Variants in HMX3 observed in about 807,000 individuals in gnomAD.
HMX3 encodes H6 family homeobox 3.
Under a neutral mutation model 22.8 loss-of-function variants are expected in HMX3, and 8 were observed. That is an observed-to-expected ratio of 0.35 (90% confidence interval 0.21 to 0.63). The LOEUF is 0.63. Among genes scored for constraint, HMX3 ranks in the 30% least tolerant of loss-of-function variants. The pLI is 0.72. For synonymous variants in HMX3, 331 were observed against 250.9 expected, an observed-to-expected ratio of 1.32 and a Z score of -3.02; for missense variants, 527 against 520.6, an observed-to-expected ratio of 1.01 and a Z score of -0.12.
At position 123,136,999 on chromosome 10, in the gene HMX3, G is replaced by C. The variant is rs541347561; in HGVS notation, c.401-59G>C. On this transcript the variant is annotated intron_variant, in intron 1 of 1. Coordinates refer to ENST00000357878, the MANE Select transcript of HMX3 (RefSeq NM_001105574.2). This position sits in a 1 kb window ranked among gnomAD's most constrained non-coding sequence, Gnocchi z 4.8. Reference sequence around the variant, plus strand: ...TGAGCCTGCCGTCCCCAGGCGCCGGGCCTCGCTCAAGGCTGTGTCGGTGTG... The same window carrying C: ...TGAGCCTGCCGTCCCCAGGCGCCGGCCCTCGCTCAAGGCTGTGTCGGTGTG... 1.0e-5 allele frequency: 15 copies of C among 1,490,744 alleles called. No individual in the cohort carries two copies. The Admixed American group carries it at 2.9e-4, about 29-fold the overall frequency. The allele number at this position is 1,490,744 out of a possible 1,614,324, so 92.3% of individuals were successfully genotyped here.
Position 123,136,458 on chromosome 10 carries a change from C to A in HMX3, c.400+8C>A. On this transcript the variant is annotated splice_region_variant and intron_variant, in intron 1 of 1. Transcript: ENST00000357878. This position sits in a 1 kb window ranked among gnomAD's most constrained non-coding sequence, Gnocchi z 4.8. ...ACCTCCCGCGACCTGAAGGTACCGA[C>A]CTCTCTTTGAACTTTCGTTGTCCCC... 3 of 1,409,788 alleles carry A rather than the reference C, an allele frequency of 2.1e-6. No individual in the cohort carries two copies. The highest frequency in any genetic ancestry group is 1.9e-6 in the Non-Finnish European group (2 of 1,074,092). The allele number at this position is 1,409,788 out of a possible 1,614,324, so 87.3% of individuals were successfully genotyped here. A position where few individuals can be genotyped will look rare whatever the true frequency, so the allele number is the denominator to read the frequency against.
rs902775272 is a variant in HMX3, at chr10:123,139,205, T to C, written c.*1474T>C. On this transcript the variant is annotated 3_prime_UTR_variant, in exon 2 of 2. Transcript: ENST00000357878. ...TAAATGTACAGATTTCTTGTAAAGTTCACCCTCTACTCCGCAGGGCTCCTG... is the reference window on the plus strand; with the variant it reads ...TAAATGTACAGATTTCTTGTAAAGTCCACCCTCTACTCCGCAGGGCTCCTG... Among the ~76,000 whole-genome samples, 4 of 152,208 alleles carry C rather than the reference T, an allele frequency of 2.6e-5. No homozygotes were observed. The highest frequency in any genetic ancestry group is 9.7e-5 in the African/African-American group (4 of 41,442).
rs910731008 is a variant in HMX3, at chr10:123,137,761, C to T, written c.*30C>T. On this transcript the variant is annotated 3_prime_UTR_variant, in exon 2 of 2. Coordinates refer to ENST00000357878, the MANE Select transcript of HMX3 (RefSeq NM_001105574.2). This position sits in a 1 kb window ranked among gnomAD's most constrained non-coding sequence, Gnocchi z 5.8. ...CCAGAGGGGTGGGGGAGGGAGCGCC[C>T]GGCCTCCTTGTCCGGACCCCGGAGG... is the stretch of plus-strand genomic sequence containing the variant. 10 of 1,396,146 alleles carry T rather than the reference C, an allele frequency of 7.2e-6. No individual in the cohort carries two copies. In the African/African-American group the frequency reaches 1.2e-4, roughly 17 times the overall value. The allele number at this position is 1,396,146 out of a possible 1,614,324, so 86.5% of individuals were successfully genotyped here. A position where few individuals can be genotyped will look rare whatever the true frequency, so the allele number is the denominator to read the frequency against.
chr10:123,136,035 C>T lies in HMX3; in HGVS notation c.-16C>T. The stretch of plus-strand genomic sequence containing the variant: ...TCCCGCTCCCTCCCTCCCGGGGACC[C>T]GGAGGAGAGGGGACCATGCCGGAAC... On this transcript the variant is annotated 5_prime_UTR_variant, in exon 1 of 2. Transcript: ENST00000357878. The surrounding 1 kb of genome is among the most constrained non-coding windows in gnomAD (Gnocchi z 4.8). The T allele has an allele frequency of 1.5e-6, 2 of 1,345,064 alleles. No homozygotes were observed. Among genetic ancestry groups the T allele is most frequent in the Non-Finnish European group, 1.9e-6 (2 of 1,046,690 alleles). 83.3% of individuals were successfully genotyped at this position (1,345,064 alleles called of 1,614,324 possible).
Position 123,136,368 on chromosome 10 carries a change from C to T in HMX3, c.318C>T (p.Pro106=), listed in dbSNP as rs780492966. 6.4e-7 allele frequency: 1 copy of T among 1,569,174 alleles called. No individual in the cohort carries two copies. The highest frequency in any genetic ancestry group is 8.6e-7 in the Non-Finnish European group (1 of 1,158,764). ...FEIPAQRFAL[P]AHYLERSPAW... is the part of the protein sequence containing the mutation. ...TCCCGGCGCAGAGGTTTGCCCTGCCCGCGCACTACCTGGAGCGCTCCCCAG... is the reference window on the plus strand; with the variant it reads ...TCCCGGCGCAGAGGTTTGCCCTGCCTGCGCACTACCTGGAGCGCTCCCCAG... Residue 106 remains proline, a synonymous_variant, in exon 1 of 2, where the codon CCC becomes CCT. Coordinates refer to ENST00000357878, the MANE Select transcript of HMX3 (RefSeq NM_001105574.2). The surrounding 1 kb of genome is among the most constrained non-coding windows in gnomAD (Gnocchi z 4.8).
Position 123,136,587 on chromosome 10 carries a change from C to T in HMX3, c.400+137C>T, listed in dbSNP as rs1002194533. ...CGGTCAGTTTTTTTCGGCCCCTAGC[C>T]TGCCCTCGCGCTGGGTTGCGCTGCC... On this transcript the variant is annotated intron_variant, in intron 1 of 1. Coordinates refer to ENST00000357878, the MANE Select transcript of HMX3 (RefSeq NM_001105574.2). The surrounding 1 kb of genome is among the most constrained non-coding windows in gnomAD (Gnocchi z 4.8). 2.7e-5 allele frequency: 17 copies of T among 628,270 alleles called. No homozygotes were observed. Among genetic ancestry groups the T allele is most frequent in the Non-Finnish European group, 4.0e-5 (17 of 422,386 alleles). The allele number at this position is 628,270 out of a possible 1,614,324, so 38.9% of individuals were successfully genotyped here. A position where few individuals can be genotyped will look rare whatever the true frequency, so the allele number is the denominator to read the frequency against.
In HMX3 at chr10:123,137,195, A is replaced by T. The variant is rs779044690; in HGVS notation, c.538A>T (p.Ser180Cys). 120 of 1,600,626 alleles carry T rather than the reference A, an allele frequency of 7.5e-5. No individual in the cohort carries two copies. The highest frequency in any genetic ancestry group is 9.4e-5 in the Non-Finnish European group (110 of 1,173,810). Reference sequence around the variant, plus strand: ...CCCGGACGAGATCATTCTGGAGGAGAGCGACTCCGAGGAAAGCAAAAAGGA... The same window carrying T: ...CCCGGACGAGATCATTCTGGAGGAGTGCGACTCCGAGGAAAGCAAAAAGGA... ...KSPDEIILEE[S>C]DSEESKKEGE... The change falls in exon 2 of 2, where the codon AGC becomes TGC. Residue 180 changes from serine (S) to cysteine (C), a missense_variant. Around this residue, in one of 3 missense-constraint regions of HMX3, gnomAD observed 386 missense variants for 337.8 expected, o/e 1.14. Transcript: ENST00000357878. This position sits in a 1 kb window ranked among gnomAD's most constrained non-coding sequence, Gnocchi z 5.8.
rs1844084478 is a variant in HMX3, at chr10:123,137,076, T to G, written c.419T>G (p.Leu140Arg). ...PRPEASEKAL[L>R]RDSSPASGTD... The stretch of plus-strand genomic sequence containing the variant: ...TCCCCAGCCTCGGAGAAGGCCTTGC[T>G]GAGAGACTCCTCCCCCGCCTCCGGC... The change falls in exon 2 of 2, where the codon CTG becomes CGG. Residue 140 changes from leucine to arginine, a missense_variant. This residue lies in a region of HMX3 where 386 missense variants were observed against 337.8 expected (regional missense o/e 1.14). Transcript: ENST00000357878. This position sits in a 1 kb window ranked among gnomAD's most constrained non-coding sequence, Gnocchi z 5.8. 1.2e-6 allele frequency: 2 copies of G among 1,610,048 alleles called. No individual in the cohort carries two copies. The highest frequency in any genetic ancestry group is 2.2e-5 in the South Asian group (2 of 90,600).
rs201289648 is a variant in HMX3, at chr10:123,136,117, C to T, written c.67C>T (p.Pro23Ser). 2.9e-6 allele frequency: 4 copies of T among 1,376,570 alleles called. No homozygotes were observed. The highest frequency in any genetic ancestry group is 1.8e-5 in the South Asian group (1 of 55,866). 85.3% of individuals were successfully genotyped at this position (1,376,570 alleles called of 1,614,324 possible). A position where few individuals can be genotyped will look rare whatever the true frequency, so the allele number is the denominator to read the frequency against. The change falls in exon 1 of 2, where the codon CCA (proline) becomes TCA (serine). Residue 23 changes from proline (P) to serine (S), a missense_variant. Coordinates refer to ENST00000357878, the MANE Select transcript of HMX3 (RefSeq NM_001105574.2). This position sits in a 1 kb window ranked among gnomAD's most constrained non-coding sequence, Gnocchi z 4.8. ...ACAGCCCCAACCGCCGCCGCCCCCC[C>T]CACCCGCTCCCAAGGAGTCCCCGTT... ...SAQPQPPPPP[P>S]PAPKESPFSI...
rs1844094938 is a variant in HMX3 at position 123,137,775 on chromosome 10, G to A, written c.*44G>A. On this transcript the variant is annotated 3_prime_UTR_variant, in exon 2 of 2. Transcript: ENST00000357878. This position sits in a 1 kb window ranked among gnomAD's most constrained non-coding sequence, Gnocchi z 5.8. ...GAGGGAGCGCCCGGCCTCCTTGTCC[G>A]GACCCCGGAGGAGACTGGGCCGGGC... is the stretch of plus-strand genomic sequence containing the variant. The A allele has an allele frequency of 4.4e-6, 6 of 1,357,942 alleles. No homozygotes were observed. The South Asian group carries it at 9.5e-5, about 22-fold the overall frequency. The allele number at this position is 1,357,942 out of a possible 1,614,324, so 84.1% of individuals were successfully genotyped here. A position where few individuals can be genotyped will look rare whatever the true frequency, so the allele number is the denominator to read the frequency against.
chr10:123,138,484 C>A lies in HMX3; in HGVS notation c.*753C>A, dbSNP rs1179699552. Among the ~76,000 whole-genome samples, 1 of 152,174 alleles carries A rather than the reference C, an allele frequency of 6.6e-6. No individual in the cohort carries two copies. Among genetic ancestry groups the A allele is most frequent in the Non-Finnish European group, 1.5e-5 (1 of 68,038 alleles). ...TTTTCTATAGAACTGTTTTCAGAAT[C>A]CAGAGAGGGAGAGAATTCATATGAT... On this transcript the variant is annotated 3_prime_UTR_variant, in exon 2 of 2. Coordinates refer to ENST00000357878, the MANE Select transcript of HMX3 (RefSeq NM_001105574.2).
rs1330988935 is a variant in HMX3, at chr10:123,136,409, A to G, written c.359A>G (p.Tyr120Cys). ...CGCTCCCCAGCCTGGTGGTACCCCT[A>G]CACCCTGACCCCCGCCGGCGGCCAC... is the stretch of plus-strand genomic sequence containing the variant. ...LERSPAWWYP[Y>C]TLTPAGGHLP... Residue 120 changes from tyrosine to cysteine, a missense_variant, in exon 1 of 2, where the codon TAC (tyrosine) becomes TGC (cysteine). By Grantham distance (194) the Tyr-to-Cys change is radical (BLOSUM62 -2). This residue lies in a region of HMX3 where 386 missense variants were observed against 337.8 expected (regional missense o/e 1.14). Coordinates refer to ENST00000357878, the MANE Select transcript of HMX3 (RefSeq NM_001105574.2). This position sits in a 1 kb window ranked among gnomAD's most constrained non-coding sequence, Gnocchi z 4.8. 6.5e-7 allele frequency: 1 copy of G among 1,542,548 alleles called. No homozygotes were observed. The highest frequency in any genetic ancestry group is 8.7e-7 in the Non-Finnish European group (1 of 1,145,876).
In HMX3 at chr10:123,136,177, C is replaced by G. The variant is rs770262921; in HGVS notation, c.127C>G (p.Arg43Gly). The G allele has an allele frequency of 1.7e-4, 239 of 1,443,852 alleles. No homozygotes were observed. In the African/African-American group the frequency reaches 2.7e-3, roughly 16 times the overall value. The allele number at this position is 1,443,852 out of a possible 1,614,324, so 89.4% of individuals were successfully genotyped here. Residue 43 changes from arginine (R) to glycine (G), a missense_variant, in exon 1 of 2, where the codon CGG (arginine) becomes GGG (glycine). Transcript: ENST00000357878. This position sits in a 1 kb window ranked among gnomAD's most constrained non-coding sequence, Gnocchi z 4.8. ...GAACCTGCTCAACGGAGACCACCAC[C>G]GGCCGCCCCCTAAGCCTCAGCCGCC... is the stretch of plus-strand genomic sequence containing the variant. The part of the protein sequence containing the change: ...IKNLLNGDHH[R>G]PPPKPQPPPR...
In HMX3 at chr10:123,136,490, GCCCGCCCCGTC is replaced by G. The variant is rs1233750351; in HGVS notation, c.400+50_400+60del. 2.3e-6 allele frequency: 3 copies of G among 1,314,932 alleles called. No homozygotes were observed. The highest frequency in any genetic ancestry group is 2.9e-6 in the Non-Finnish European group (3 of 1,020,044). The allele number at this position is 1,314,932 out of a possible 1,614,324, so 81.5% of individuals were successfully genotyped here. ...TTGAACTTTCGTTGTCCCCCTGCGC[GCCCGCCCCGTC>G]CCCGCCCCGCGCTGCTTCCCTCCGC... is the stretch of plus-strand genomic sequence containing the variant. On this transcript the variant is annotated intron_variant, in intron 1 of 1. Transcript: ENST00000357878. This position sits in a 1 kb window ranked among gnomAD's most constrained non-coding sequence, Gnocchi z 4.8.
At position 123,137,624 on chromosome 10, in the gene HMX3, G is replaced by C. The variant is rs753496853; in HGVS notation, c.967G>C (p.Ala323Pro). 3.3e-6 allele frequency: 5 copies of C among 1,538,334 alleles called. No homozygotes were observed. The highest frequency in any genetic ancestry group is 4.3e-6 in the Non-Finnish European group (5 of 1,151,352). ...GGCGGCCGAGGGCGCGGCGGCTGCA[G>C]CCGCGGGGGCCCCGGTGCCAGTCAG... is the stretch of plus-strand genomic sequence containing the variant. ...NSAAEGAAAA[A>P]AGAPVPVSQP... Residue 323 changes from alanine to proline, a missense_variant, in exon 2 of 2, where the codon GCC becomes CCC. Transcript: ENST00000357878. The surrounding 1 kb of genome is among the most constrained non-coding windows in gnomAD (Gnocchi z 5.8).
In HMX3 at chr10:123,137,781, C is replaced by T. The variant is rs563935871; in HGVS notation, c.*50C>T. On this transcript the variant is annotated 3_prime_UTR_variant, in exon 2 of 2. Coordinates refer to ENST00000357878, the MANE Select transcript of HMX3 (RefSeq NM_001105574.2). This position sits in a 1 kb window ranked among gnomAD's most constrained non-coding sequence, Gnocchi z 5.8. ...GCGCCCGGCCTCCTTGTCCGGACCC[C>T]GGAGGAGACTGGGCCGGGCCGAGGG... 2.6e-4 allele frequency: 348 copies of T among 1,342,874 alleles called. No homozygotes were observed. The highest frequency in any genetic ancestry group is 1.6e-3 in the South Asian group (99 of 62,608). The allele number at this position is 1,342,874 out of a possible 1,614,324, so 83.2% of individuals were successfully genotyped here.
Position 123,136,118 on chromosome 10 carries a change from C to A in HMX3, c.68C>A (p.Pro23Gln), listed in dbSNP as rs372130943. 5.6e-5 allele frequency: 77 copies of A among 1,379,450 alleles called. No individual in the cohort carries two copies. Among genetic ancestry groups the A allele is most frequent in the East Asian group, 1.2e-4 (4 of 32,908 alleles). The allele number at this position is 1,379,450 out of a possible 1,614,324, so 85.5% of individuals were successfully genotyped here. A position where few individuals can be genotyped will look rare whatever the true frequency, so the allele number is the denominator to read the frequency against. The change falls in exon 1 of 2, where the codon CCA becomes CAA. Residue 23 changes from proline (P) to glutamine (Q), a missense_variant. By Grantham distance (76) the Pro-to-Gln change is moderately conservative. Coordinates refer to ENST00000357878, the MANE Select transcript of HMX3 (RefSeq NM_001105574.2). This position sits in a 1 kb window ranked among gnomAD's most constrained non-coding sequence, Gnocchi z 4.8. ...SAQPQPPPPP[P>Q]PAPKESPFSI... ...CAGCCCCAACCGCCGCCGCCCCCCC[C>A]ACCCGCTCCCAAGGAGTCCCCGTTC...
Position 123,137,531 on chromosome 10 carries a change from G to C in HMX3, c.874G>C (p.Ala292Pro). 4 of 1,611,998 alleles carry C rather than the reference G, an allele frequency of 2.5e-6. No individual in the cohort carries two copies. The highest frequency in any genetic ancestry group is 3.4e-6 in the Non-Finnish European group (4 of 1,179,768). Residue 292 changes from alanine (A) to proline (P), a missense_variant, in exon 2 of 2, where the codon GCG (alanine) becomes CCG (proline). Physicochemically the swap from Ala to Pro is conservative, Grantham distance 27 (BLOSUM62 -1). Coordinates refer to ENST00000357878, the MANE Select transcript of HMX3 (RefSeq NM_001105574.2). This position sits in a 1 kb window ranked among gnomAD's most constrained non-coding sequence, Gnocchi z 5.8. The part of the protein sequence containing the change: ...WKRQLAAELE[A>P]ANLSHAAAQR... ...GCGGCAGCTGGCGGCGGAGCTGGAG[G>C]CGGCCAACCTGAGCCATGCCGCGGC...
In HMX3 at chr10:123,136,023, C is replaced by T. The variant is rs1589677896; in HGVS notation, c.-28C>T. On this transcript the variant is annotated 5_prime_UTR_variant, in exon 1 of 2. Transcript: ENST00000357878. This position sits in a 1 kb window ranked among gnomAD's most constrained non-coding sequence, Gnocchi z 4.8. ...GCCGCCCGCCTGTCCCGCTCCCTCC[C>T]TCCCGGGGACCCGGAGGAGAGGGGA... 3.7e-6 allele frequency: 5 copies of T among 1,334,408 alleles called. No homozygotes were observed. The highest frequency in any genetic ancestry group is 4.3e-5 in the South Asian group (2 of 46,932). 82.7% of individuals were successfully genotyped at this position (1,334,408 alleles called of 1,614,324 possible).
Sources: gnomAD v4.1 joint callset for allele counts (sites outside exome capture counted in the v4.1 genomes callset) on GRCh38, gnomAD v4.1.1 for gene constraint, gnomAD v4.1.1 regional missense constraint, Gnocchi (gnomAD v3.1) non-coding constraint, MANE v1.5 for transcripts, NCBI Gene and HGNC (gene_info 2026-07-23, HGNC 2026-07-21) for gene names.